The following CEP70 variants were observed in gnomAD, a reference collection of about 807,000 sequenced individuals.
CEP70 encodes the protein centrosomal protein of 70 kDa.
CEP70 carries 70 observed loss-of-function variants against 90.9 expected under a neutral mutation model. That is an observed-to-expected ratio of 0.77 (90% CI 0.64 to 0.94). The LOEUF (loss-of-function observed/expected upper bound fraction) is 0.94. Ranked by LOEUF, CEP70 falls within the 40% of genes least tolerant of loss-of-function variation. The pLI, the probability that CEP70 is intolerant of heterozygous loss-of-function variation, is 0.00. For missense variants in CEP70, 648 were observed against 669.0 expected, an observed-to-expected ratio of 0.97 and a Z score of 0.35; for synonymous variants, 220 against 228.3, an observed-to-expected ratio of 0.96 and a Z score of 0.33.
intron 6 of CEP70, among the ~76,000 whole-genome samples, chr3:138,570,040 G>C (rs1209407050): frequency 6.6e-6 from 1 of 152,020 alleles, no homozygotes; most frequent in Admixed American, 6.6e-5. Context: ...GAGTATGTAA[G>C]AAAGAGAAAA....
At chr3:138,551,783 T>C (rs1205652461) in intron 6 of CEP70, among the ~76,000 whole-genome samples, 1 of 147,328 alleles carries the variant, frequency 6.8e-6, no homozygotes, top group African/African-American at 2.5e-5. Flanking sequence ...ACCCAAAGTA[T>C]ACAGGCAAAA....
chr3:138,548,684 A>T (rs941861781), intron 6 of CEP70, among the ~76,000 whole-genome samples: 2 of 152,220 alleles, frequency 1.3e-5, no homozygotes, highest in Non-Finnish European at 2.9e-5. Flanking sequence ...ATTCTAGGGG[A>T]AAATGGCAGA....
chr3:138,508,640 C>A (rs2035217093), intron 11 of CEP70, 96 bp from the exon 12 acceptor site: 1 of 777,812 alleles, frequency 1.3e-6, no homozygotes, highest in Non-Finnish European at 2.3e-6. Context: ...ACCCTCCCAA[C>A]AGCCTTATAT....
At chr3:138,518,920 G>C (rs1001234300) in intron 11 of CEP70, among the ~76,000 whole-genome samples, 1 of 152,060 alleles carries the variant, frequency 6.6e-6, no homozygotes. Context: ...AGGCAAAGAA[G>C]TTAAAAACCT....
chr3:138,538,993 A>T (rs2038523286), intron 6 of CEP70, among the ~76,000 whole-genome samples: 1 of 152,130 alleles, frequency 6.6e-6, no homozygotes, highest in Non-Finnish European at 1.5e-5. Context: ...ACTTTCAGTG[A>T]TGTTAAATCT....
In CEP70 at chr3:138,553,182, C is replaced by CA. The variant is rs973535374; in HGVS notation, c.466-15836dup. On this transcript the variant is annotated intron_variant, in intron 6 of 17. Transcript: ENST00000264982. ...AGCAGTGAGAACGAAATACTGCCTTCAAAAAAAAAAATACCGGCTGGGCAC... is the reference window on the plus strand; with the variant it reads ...AGCAGTGAGAACGAAATACTGCCTTCAAAAAAAAAAAATACCGGCTGGGCAC... Among the ~76,000 whole-genome samples, 745 of 145,556 alleles carry CA rather than the reference C, an allele frequency of 5.1e-3. 4 individuals are homozygous for CA. The highest frequency in any genetic ancestry group is 0.011 in the African/African-American group (439 of 39,946).
rs1378702748 is a variant in CEP70 at position 138,505,382 on chromosome 3, AT to A, written c.1133del (p.Asn378IlefsTer18). Reference sequence around the variant, plus strand: ...AATCTTGAACAAGATCTTTATTAAAATTTTGGACTCCCCCTTTGGTCTGTTT... The same window carrying A: ...AATCTTGAACAAGATCTTTATTAAAATTTGGACTCCCCCTTTGGTCTGTTT... Reference protein sequence around the residue: ...IYKQTKGGVQNFNKDLVQDCG... With the variant: ...IYKQTKGGVQXFNKDLVQDCG... On this transcript the variant is annotated frameshift_variant, in exon 13 of 18. Transcript: ENST00000264982. LOFTEE classifies it high-confidence loss of function. The A allele has an allele frequency of 6.2e-7, 1 of 1,612,552 alleles. No homozygotes were observed. The highest frequency in any genetic ancestry group is 2.2e-5 in the East Asian group (1 of 44,762).
intron 7 of CEP70, among the ~76,000 whole-genome samples, chr3:138,535,463 G>C (rs1224791932): frequency 2.6e-5 from 4 of 152,132 alleles, no homozygotes; most frequent in Non-Finnish European, 5.9e-5. Flanking sequence ...TAGACTACCA[G>C]GTCACTGAAT....
intron 6 of CEP70, among the ~76,000 whole-genome samples, chr3:138,550,027 CA>C (rs1290554254): frequency 6.6e-6 from 1 of 152,102 alleles, no homozygotes; most frequent in East Asian, 1.9e-4. Flanking sequence ...AGTATTACAT[CA>C]AAGGAACATC....
intron 6 of CEP70, among the ~76,000 whole-genome samples, chr3:138,546,827 A>T (rs2039243925): frequency 6.6e-6 from 1 of 152,178 alleles, no homozygotes; most frequent in Non-Finnish European, 1.5e-5. Flanking sequence ...AAAAAGACTC[A>T]GTGAAAACCC....
At chr3:138,531,698 C>CTCT (rs1669020211) in intron 8 of CEP70, 1 of 133,318 alleles carries the variant, frequency 7.5e-6, no homozygotes, top group African/African-American at 2.8e-5. Context: ...TCTTCTTTTC[C>CTCT]TTTTTTTTTT....
intron 13 of CEP70, among the ~76,000 whole-genome samples, chr3:138,502,544 A>C (rs2034609225): frequency 6.6e-6 from 1 of 152,212 alleles, no homozygotes; most frequent in Non-Finnish European, 1.5e-5. Context: ...AATTTGAAAA[A>C]AAAAAAAGTC....
intron 6 of CEP70, among the ~76,000 whole-genome samples, chr3:138,549,303 G>C (rs1030355436): frequency 6.6e-6 from 1 of 151,678 alleles, no homozygotes. Flanking sequence ...GTAGCCTGAG[G>C]CAAATTCTCA....
At chr3:138,504,324 A>T (rs184030504) in intron 13 of CEP70, among the ~76,000 whole-genome samples, 3 of 152,114 alleles carry the variant, frequency 2.0e-5, no homozygotes, top group Non-Finnish European at 4.4e-5. Context: ...GTCGAAATTT[A>T]AAAAAAATTA....
chr3:138,586,197 G>A (rs962504393), intron 2 of CEP70, among the ~76,000 whole-genome samples: 22 of 151,842 alleles, frequency 1.4e-4, no homozygotes, highest in African/African-American at 4.6e-4. Flanking sequence ...TCACTCTGTC[G>A]CCCAGGCTGG....
intron 2 of CEP70, among the ~76,000 whole-genome samples, chr3:138,581,694 C>CA (rs35064874): frequency 0.049 from 3,897 of 79,142 alleles, 251 homozygotes; most frequent in African/African-American, 0.16. Flanking sequence ...AAACTTGTCT[C>CA]AAAAAAAAAA....
chr3:138,538,644 G>A (rs1230887259), intron 6 of CEP70, among the ~76,000 whole-genome samples: 3 of 152,246 alleles, frequency 2.0e-5, no homozygotes, highest in South Asian at 4.1e-4. Flanking sequence ...AAAGAACCAT[G>A]ACCCCCACAG....
At chr3:138,536,525 T>A (rs1256059579) in intron 7 of CEP70, among the ~76,000 whole-genome samples, 3 of 152,052 alleles carry the variant, frequency 2.0e-5, no homozygotes, top group Non-Finnish European at 2.9e-5. Context: ...CATAGTGGAA[T>A]ATATTAATAT....
At chr3:138,528,929 T>C (rs1247696383) in intron 10 of CEP70, among the ~76,000 whole-genome samples, 1 of 152,200 alleles carries the variant, frequency 6.6e-6, no homozygotes, top group East Asian at 1.9e-4. Context: ...GAGACAGAGG[T>C]TGCAGTGAGC....
Sources: allele counts gnomAD v4.1 joint callset (sites outside exome capture counted in the v4.1 genomes callset), GRCh38; gene constraint gnomAD v4.1.1; transcripts MANE v1.5; gene names NCBI Gene and HGNC (gene_info 2026-07-23, HGNC 2026-07-21).